TFAP2A: variants seen among roughly 807,000 people sequenced by gnomAD.
The protein encoded by TFAP2A is transcription factor AP-2-alpha.
A neutral mutation model predicts 41.5 loss-of-function variants in TFAP2A; 7 were observed. The ratio of observed to expected loss-of-function variants is 0.17; its 90% confidence interval spans 0.10 to 0.32. The LOEUF (loss-of-function observed/expected upper bound fraction) is 0.32, where lower values mean the gene tolerates loss of function less well. Among genes scored for constraint, TFAP2A ranks in the 10% least tolerant of loss-of-function variants. TFAP2A has a pLI of 1.00. For missense variants in TFAP2A, 416 were observed against 563.3 expected, an observed-to-expected ratio of 0.74 and a Z score of 2.65; for synonymous variants, 247 against 242.8, an observed-to-expected ratio of 1.02 and a Z score of -0.16.
upstream of TFAP2A, chr6:10,419,362 C>T (rs1758351271): frequency 2.5e-6 from 4 of 1,589,970 alleles, no homozygotes; most frequent in East Asian, 4.5e-5. Flanking sequence ...GCTCCGGCCC[C>T]CTCCCCTACT....
Position 10,398,085 on chromosome 6 carries a change from A to T in TFAP2A, c.*332T>A, listed in dbSNP as rs1761849023. The T allele has an allele frequency of 1.7e-6, 2 of 1,171,864 alleles. No individual in the cohort carries two copies. The highest frequency in any genetic ancestry group is 2.1e-6 in the Non-Finnish European group (2 of 945,960). 72.6% of individuals were successfully genotyped at this position (1,171,864 alleles called of 1,614,324 possible). ...TGTTGTTGATTTGTTGTTTTGTTTA[A>T]AAAAAAAAGGGTTCACAAACTTGGC... is the stretch of plus-strand genomic sequence containing the variant. On this transcript the variant is annotated 3_prime_UTR_variant, in exon 7 of 7. Transcript: ENST00000379613. The surrounding 1 kb of genome is among the most constrained non-coding windows in gnomAD (Gnocchi z 5.3).
At chr6:10,415,200 A>G (rs1758197464), upstream of TFAP2A, 1 of 1,480,242 alleles carries the variant, frequency 6.8e-7, no homozygotes, top group Non-Finnish European at 9.0e-7. Flanking sequence ...GGGCGAGGAG[A>G]AGGGCGAGGA....
At chr6:10,414,901 C>T in intron 1 of TFAP2A, 40 bp downstream of exon 1, 2 of 1,611,542 alleles carry the variant, frequency 1.2e-6, no homozygotes, top group East Asian at 2.2e-5. Flanking sequence ...AAGCTCGGAG[C>T]CTGTGACCGC....
At chr6:10,412,187 G>A (rs957664118) in intron 1 of TFAP2A, 5 of 987,254 alleles carry the variant, frequency 5.1e-6, no homozygotes, top group Non-Finnish European at 4.8e-6. Context: ...GAGGGAGCGC[G>A]AGAGACAAAA....
intron 2 of TFAP2A, chr6:10,409,669 A>G (rs1757862559): frequency 1.8e-6 from 1 of 566,962 alleles, no homozygotes; most frequent in East Asian, 3.0e-5. Context: ...TGGAAATGGT[A>G]ATGCAGGCAT....
At position 10,400,432 on chromosome 6, in the gene TFAP2A, G is replaced by C. The variant is rs778770876; in HGVS notation, c.1031+16C>G. 5.6e-6 allele frequency: 9 copies of C among 1,614,106 alleles called. No homozygotes were observed. In the African/African-American group the frequency reaches 1.2e-4, roughly 22 times the overall value. ...GACAACGAGACACAGAGACCCCATA[G>C]AGGTAAATGCCTTACTTTGTAGCCA... On this transcript the variant is annotated intron_variant, in intron 6 of 6. Coordinates refer to ENST00000379613, the MANE Select transcript of TFAP2A (RefSeq NM_001372066.1).
chr6:10,413,325 T>C (rs1008494549), intron 1 of TFAP2A, among the ~76,000 whole-genome samples: 1 of 152,116 alleles, frequency 6.6e-6, no homozygotes, highest in African/African-American at 2.4e-5. Context: ...CCCCACAGGA[T>C]CCCTCTAGGG....
upstream of TFAP2A, chr6:10,419,570 A>T: frequency 7.8e-7 from 1 of 1,285,914 alleles, no homozygotes. Flanking sequence ...CCAACATCTC[A>T]CCTGGTCATA....
chr6:10,415,078 G>T, upstream of TFAP2A: 1 of 1,612,970 alleles, frequency 6.2e-7, no homozygotes, highest in Non-Finnish European at 8.5e-7. Flanking sequence ...GGCTGCCGGC[G>T]GTGAGCGCAG....
intron 4 of TFAP2A, among the ~76,000 whole-genome samples, chr6:10,403,453 G>C (rs1449945077): frequency 6.6e-6 from 1 of 152,194 alleles, no homozygotes; most frequent in Non-Finnish European, 1.5e-5. Flanking sequence ...GCAGGAGGAA[G>C]AAAAGACTAG....
At chr6:10,411,830 T>C in intron 1 of TFAP2A, 1 of 1,419,934 alleles carries the variant, frequency 7.0e-7, no homozygotes, top group Non-Finnish European at 9.2e-7. Context: ...CCACGGTCTC[T>C]ATCCTGCCGC....
chr6:10,417,771 C>A (rs924849597), upstream of TFAP2A, among the ~76,000 whole-genome samples: 4 of 152,344 alleles, frequency 2.6e-5, no homozygotes, highest in Admixed American at 6.5e-5. Context: ...CAAATCCGCT[C>A]GCCCCACCCG....
intron 3 of TFAP2A, 120 bp from the exon 4 acceptor site, chr6:10,404,859 T>C: frequency 1.2e-6 from 1 of 855,278 alleles, no homozygotes; most frequent in East Asian, 2.6e-5. Flanking sequence ...AGTCCCCGCT[T>C]TTCCGTCCGG....
upstream of TFAP2A, chr6:10,419,363 C>A (rs1269691431): frequency 1.8e-5 from 29 of 1,593,032 alleles, no homozygotes; most frequent in Non-Finnish European, 1.5e-5. Flanking sequence ...CTCCGGCCCC[C>A]TCCCCTACTC....
chr6:10,414,594 G>A (rs1758162911), intron 1 of TFAP2A: 7 of 475,964 alleles, frequency 1.5e-5, no homozygotes, highest in Non-Finnish European at 1.9e-5. Flanking sequence ...CAATCTCGAT[G>A]AAGATAACAC....
rs865876939 is a variant in TFAP2A, at chr6:10,398,223, C to T, written c.*194G>A. On this transcript the variant is annotated 3_prime_UTR_variant, in exon 7 of 7. Transcript: ENST00000379613. The surrounding 1 kb of genome is among the most constrained non-coding windows in gnomAD (Gnocchi z 5.3). ...CGAGGCGGGTGCAGAGTCGGAGAGG[C>T]TGCCCCACTGACAGTCGAGAGGGCA... 1 of 1,479,686 alleles carries T rather than the reference C, an allele frequency of 6.8e-7. No homozygotes were observed. Among genetic ancestry groups the T allele is most frequent in the Non-Finnish European group, 8.9e-7 (1 of 1,119,062 alleles). 91.7% of individuals were successfully genotyped at this position (1,479,686 alleles called of 1,614,324 possible).
At chr6:10,413,327 C>T (rs1392760164) in intron 1 of TFAP2A, among the ~76,000 whole-genome samples, 3 of 152,158 alleles carry the variant, frequency 2.0e-5, no homozygotes, top group East Asian at 1.9e-4. Context: ...CCACAGGATC[C>T]CTCTAGGGGT....
chr6:10,411,742 C>G, intron 1 of TFAP2A: 1 of 1,505,286 alleles, frequency 6.6e-7, no homozygotes. Flanking sequence ...CGCCGACGCT[C>G]CCCGGAGCGC....
upstream of TFAP2A, chr6:10,418,100 T>G (rs973430326): frequency 6.6e-6 from 1 of 152,218 alleles, no homozygotes; most frequent in Non-Finnish European, 1.5e-5. Flanking sequence ...ATTCCCGGGA[T>G]TTGTCTCTGG....
Sources: allele counts gnomAD v4.1 joint callset (sites outside exome capture counted in the v4.1 genomes callset), GRCh38; gene constraint gnomAD v4.1.1; non-coding constraint Gnocchi (gnomAD v3.1); transcripts MANE v1.5; gene names NCBI Gene and HGNC (gene_info 2026-07-23, HGNC 2026-07-21).